The following PTPRD variants were observed in gnomAD, a reference collection of about 807,000 sequenced individuals.
The protein encoded by PTPRD is protein tyrosine phosphatase receptor type D.
A neutral mutation model predicts 214.5 loss-of-function variants in PTPRD; 34 were observed. The observed-to-expected ratio is 0.16, with a 90% CI of 0.12 to 0.21. PTPRD has a LOEUF of 0.21. Ranked by LOEUF, PTPRD falls within the 10% of genes least tolerant of loss-of-function variation. PTPRD has a pLI of 1.00. For missense variants in PTPRD, 2,545 were observed against 2,398.7 expected (o/e 1.06, Z -1.27); for synonymous variants, 1,128 against 845.7 (o/e 1.33, Z -5.79).
intron 3 of PTPRD, among the ~76,000 whole-genome samples, chr9:10,227,335 G>A (rs1594775208): frequency 1.3e-5 from 2 of 151,882 alleles, no homozygotes; most frequent in African/African-American, 4.8e-5. Context: ...GAATGAAGTT[G>A]GATTAAAAAT....
chr9:9,707,274 A>G (rs2097640345), intron 7 of PTPRD, among the ~76,000 whole-genome samples: 1 of 152,192 alleles, frequency 6.6e-6, no homozygotes, highest in South Asian at 2.1e-4. Context: ...AAAACAAAAT[A>G]AGAATATTTT....
chr9:8,508,430 G>A (rs929511013), intron 21 of PTPRD, among the ~76,000 whole-genome samples: 1 of 152,138 alleles, frequency 6.6e-6, no homozygotes, highest in African/African-American at 2.4e-5. Context: ...CTTGGCCACT[G>A]TCTGCTCTGA....
intron 4 of PTPRD, among the ~76,000 whole-genome samples, chr9:9,969,350 C>T (rs1442357034): frequency 6.6e-6 from 1 of 152,152 alleles, no homozygotes; most frequent in Non-Finnish European, 1.5e-5. Flanking sequence ...CTTTCCTCCT[C>T]AACTTCCTCT....
intron 3 of PTPRD, among the ~76,000 whole-genome samples, chr9:10,171,102 T>A (rs72696949): frequency 0.053 from 8,094 of 152,282 alleles, 305 homozygotes; most frequent in Admixed American, 0.1. Flanking sequence ...TGTACATTTA[T>A]AAAGCCCCAT....
intron 2 of PTPRD, among the ~76,000 whole-genome samples, chr9:10,418,388 G>A (rs1045211653): frequency 1.3e-5 from 2 of 150,960 alleles, no homozygotes; most frequent in African/African-American, 2.4e-5. Flanking sequence ...ATTCCATTGT[G>A]AGAGTTCTCT....
intron 11 of PTPRD, among the ~76,000 whole-genome samples, chr9:8,994,540 T>G (rs2099389277): frequency 6.6e-6 from 1 of 151,962 alleles, no homozygotes; most frequent in Non-Finnish European, 1.5e-5. Context: ...ATGAAATAAT[T>G]AAGTGGCTAG....
At chr9:10,529,924 G>T (rs750648268) in intron 2 of PTPRD, among the ~76,000 whole-genome samples, 8 of 151,790 alleles carry the variant, frequency 5.3e-5, no homozygotes, top group Non-Finnish European at 1.2e-4. Context: ...GGCAAGAGAA[G>T]GGAGAGCATT....
At chr9:10,348,105 TTATC>T (rs2097121012) in intron 2 of PTPRD, among the ~76,000 whole-genome samples, 1 of 152,146 alleles carries the variant, frequency 6.6e-6, no homozygotes, top group African/African-American at 2.4e-5. Flanking sequence ...GTCACACTAT[TTATC>T]TATCAAGCAC....
intron 11 of PTPRD, among the ~76,000 whole-genome samples, chr9:9,006,551 T>A (rs970175117): frequency 6.6e-6 from 1 of 152,040 alleles, no homozygotes; most frequent in Non-Finnish European, 1.5e-5. Flanking sequence ...AAATTTGCAA[T>A]TCCCATTGGG....
At chr9:8,359,980 A>G (rs1251890133) in intron 39 of PTPRD, among the ~76,000 whole-genome samples, 1 of 152,106 alleles carries the variant, frequency 6.6e-6, no homozygotes, top group Admixed American at 6.5e-5. Flanking sequence ...GGTCAGCTCA[A>G]TGTTTGTTAG....
At chr9:9,629,772 G>C (rs951043598) in intron 7 of PTPRD, among the ~76,000 whole-genome samples, 5 of 152,122 alleles carry the variant, frequency 3.3e-5, no homozygotes, top group African/African-American at 1.2e-4. Flanking sequence ...AATTCAAACC[G>C]CTAGAGACAG....
chr9:9,995,785 C>T (rs576537435), intron 4 of PTPRD, among the ~76,000 whole-genome samples: 2 of 152,094 alleles, frequency 1.3e-5, no homozygotes, highest in African/African-American at 2.4e-5. Context: ...TTATTTGATA[C>T]TTTTCTGCCC....
chr9:9,174,653 AAG>A, intron 10 of PTPRD, among the ~76,000 whole-genome samples: 1 of 152,298 alleles, frequency 6.6e-6, no homozygotes, highest in South Asian at 2.1e-4. Flanking sequence ...GATATTACAT[AAG>A]AGATTTCATA....
At chr9:8,525,440 C>A (rs757350262) in intron 17 of PTPRD, among the ~76,000 whole-genome samples, 2 of 150,830 alleles carry the variant, frequency 1.3e-5, no homozygotes, top group African/African-American at 4.9e-5. Flanking sequence ...TAGGTACGCT[C>A]AAAAAAAACC....
intron 14 of PTPRD, among the ~76,000 whole-genome samples, chr9:8,606,675 C>A (rs1026944545): frequency 1.3e-5 from 2 of 152,118 alleles, no homozygotes; most frequent in Non-Finnish European, 2.9e-5. Flanking sequence ...CACCTCCACC[C>A]CTTCTGCACA....
chr9:10,162,833 A>G (rs2099137315), intron 3 of PTPRD, among the ~76,000 whole-genome samples: 1 of 150,016 alleles, frequency 6.7e-6, no homozygotes, highest in Non-Finnish European at 1.5e-5. Context: ...TATGTTACAC[A>G]CAAACATTTT....
intron 5 of PTPRD, among the ~76,000 whole-genome samples, chr9:9,874,885 G>A (rs897452853): frequency 2.0e-5 from 3 of 152,104 alleles, no homozygotes. Flanking sequence ...CTGTAGGCTA[G>A]AAATATAAAA....
In PTPRD at chr9:8,853,938, C is replaced by A. The variant is rs565657008; in HGVS notation, c.-103-119992G>T. On this transcript the variant is annotated intron_variant, in intron 11 of 45. Transcript: ENST00000381196. Reference sequence around the variant, plus strand: ...TCCATAAAACCAAAAGAGATTCAGACTAAATTTGGTTTAAATCACATGTAA... The same window carrying A: ...TCCATAAAACCAAAAGAGATTCAGAATAAATTTGGTTTAAATCACATGTAA... 4.6e-5 allele frequency among the ~76,000 whole-genome samples: 7 copies of A among 152,020 alleles called. No individual in the cohort carries two copies. In the East Asian group the frequency reaches 1.2e-3, roughly 25 times the overall value.
At chr9:8,356,521 C>A (rs4742486) in intron 39 of PTPRD, among the ~76,000 whole-genome samples, 21,079 of 152,198 alleles carry the variant, frequency 0.14, 2,196 homozygotes, top group East Asian at 0.35. Context: ...TTCTTTCAGT[C>A]TGGGAACATT....
Sources: allele counts gnomAD v4.1 joint callset (sites outside exome capture counted in the v4.1 genomes callset), GRCh38; gene constraint gnomAD v4.1.1; transcripts MANE v1.5; gene names NCBI Gene and HGNC (gene_info 2026-07-23, HGNC 2026-07-21).